The following CACNA1C variants were observed in gnomAD, a reference collection of about 807,000 sequenced individuals.
CACNA1C encodes voltage-dependent L-type calcium channel subunit alpha-1C.
A neutral mutation model predicts 229.0 loss-of-function variants in CACNA1C; 30 were observed. The ratio of observed to expected loss-of-function variants is 0.13; its 90% CI spans 0.10 to 0.18. The LOEUF (loss-of-function observed/expected upper bound fraction) is 0.18. CACNA1C is among the 10% of genes least tolerant of loss of function. The pLI, the probability that CACNA1C is intolerant of heterozygous loss-of-function variation, is 1.00. For synonymous variants in CACNA1C, 1,114 were observed against 1,132.5 expected (o/e 0.98, Z 0.33); for missense variants, 1,658 against 2,845.0 (o/e 0.58, Z 9.49).
intron 10 of CACNA1C, among the ~76,000 whole-genome samples, chr12:2,555,679 G>C (rs368556516): frequency 6.6e-6 from 1 of 152,236 alleles, no homozygotes; most frequent in Non-Finnish European, 1.5e-5. Flanking sequence ...CAGTCTTTGC[G>C]GGTGGGATGA....
At chr12:2,640,805 C>G (rs867250308) in intron 30 of CACNA1C, among the ~76,000 whole-genome samples, 1 of 152,226 alleles carries the variant, frequency 6.6e-6, no homozygotes, top group Admixed American at 6.5e-5. Context: ...ACAAGCAAGC[C>G]GGGCTCCTCT....
At chr12:2,163,305 C>A (rs1290060785) in intron 3 of CACNA1C, among the ~76,000 whole-genome samples, 4 of 151,832 alleles carry the variant, frequency 2.6e-5, no homozygotes, top group Non-Finnish European at 4.4e-5. Flanking sequence ...AGCCTTGTGA[C>A]GTAGGCAGTA....
intron 1 of CACNA1C, among the ~76,000 whole-genome samples, chr12:2,040,693 A>G (rs1278031047): frequency 2.0e-5 from 3 of 152,244 alleles, no homozygotes; most frequent in Non-Finnish European, 4.4e-5. Context: ...GGTTAATGAT[A>G]TTCAGGTTGG....
rs2068966609 is a variant in CACNA1C at position 2,597,553 on chromosome 12, T to G, written c.2853+264T>G. On this transcript the variant is annotated intron_variant, in intron 21 of 46. Coordinates refer to ENST00000399655, the MANE Select transcript of CACNA1C (RefSeq NM_000719.7). This position sits in a 1 kb window ranked among gnomAD's most constrained non-coding sequence, Gnocchi z 4.3. ...GCTTTCTTTGTCTATCTCTGCTCTG[T>G]GTGGCTGGATCTTTTGTCTTTTCTG... 8.9e-7 allele frequency: 1 copy of G among 1,119,004 alleles called. No homozygotes were observed. Among genetic ancestry groups the G allele is most frequent in the Non-Finnish European group, 1.4e-6 (1 of 731,142 alleles). 69.3% of individuals were successfully genotyped at this position (1,119,004 alleles called of 1,614,324 possible). A position where few individuals can be genotyped will look rare whatever the true frequency, so the allele number is the denominator to read the frequency against.
At chr12:2,254,825 G>A (rs2076796660) in intron 3 of CACNA1C, among the ~76,000 whole-genome samples, 1 of 152,138 alleles carries the variant, frequency 6.6e-6, no homozygotes. Context: ...AGAACTACAG[G>A]TTCATTACCA....
intron 4 of CACNA1C, among the ~76,000 whole-genome samples, chr12:2,450,692 G>A (rs2099361453): frequency 1.3e-5 from 2 of 151,490 alleles, no homozygotes; most frequent in African/African-American, 4.9e-5. Context: ...TTGTTACTCT[G>A]AGCCCAGTGA....
chr12:2,279,326 A>G (rs2090168428), intron 3 of CACNA1C, among the ~76,000 whole-genome samples: 1 of 152,184 alleles, frequency 6.6e-6, no homozygotes, highest in Non-Finnish European at 1.5e-5. Context: ...CTATAGCTTT[A>G]TAATAATAAG....
intron 34 of CACNA1C, among the ~76,000 whole-genome samples, chr12:2,662,937 G>GA (rs2095842601): frequency 6.6e-6 from 1 of 152,032 alleles, no homozygotes; most frequent in Non-Finnish European, 1.5e-5. Context: ...TATCTATGCA[G>GA]AAAAAATAAA....
intron 1 of CACNA1C, among the ~76,000 whole-genome samples, chr12:2,008,884 TC>T (rs1170179182): frequency 2.0e-5 from 3 of 152,212 alleles, no homozygotes; most frequent in Admixed American, 6.5e-5. Flanking sequence ...GGCCTAAAGC[TC>T]TGACCTTCTA....
chr12:2,116,660 G>A (rs1256303339), intron 2 of CACNA1C, among the ~76,000 whole-genome samples: 1 of 152,056 alleles, frequency 6.6e-6, no homozygotes, highest in Non-Finnish European at 1.5e-5. Context: ...ATCTGCCACC[G>A]TGCCCAGCCC....
intron 3 of CACNA1C, among the ~76,000 whole-genome samples, chr12:2,178,219 G>T (rs192053401): frequency 6.6e-6 from 1 of 152,326 alleles, no homozygotes; most frequent in East Asian, 1.9e-4. Context: ...TCCGTCCTTG[G>T]TAGCCACCAA....
chr12:2,075,752 A>C (rs2062964155), intron 1 of CACNA1C, among the ~76,000 whole-genome samples: 1 of 152,200 alleles, frequency 6.6e-6, no homozygotes, highest in South Asian at 2.1e-4. Flanking sequence ...CAGATGTAGA[A>C]CAGTGGAGCC....
intron 9 of CACNA1C, among the ~76,000 whole-genome samples, chr12:2,516,587 T>C (rs940795483): frequency 1.2e-4 from 19 of 152,094 alleles, no homozygotes; most frequent in African/African-American, 4.3e-4. Flanking sequence ...TTCAGGATGA[T>C]GTCATTTGCA....
intron 3 of CACNA1C, among the ~76,000 whole-genome samples, chr12:2,263,268 T>C (rs1215637715): frequency 6.6e-6 from 1 of 151,790 alleles, no homozygotes; most frequent in African/African-American, 2.4e-5. Flanking sequence ...GCGGAGGCCC[T>C]CAGGTGGGAG....
intron 1 of CACNA1C, among the ~76,000 whole-genome samples, chr12:2,043,112 C>T (rs149291670): frequency 3.3e-5 from 5 of 152,246 alleles, no homozygotes; most frequent in African/African-American, 7.2e-5. Context: ...ATTACTTCAT[C>T]GCAAGATCAT....
intron 1 of CACNA1C, among the ~76,000 whole-genome samples, chr12:1,976,431 CA>C (rs1408416163): frequency 2.6e-5 from 4 of 152,052 alleles, no homozygotes; most frequent in Non-Finnish European, 5.9e-5. Flanking sequence ...CTAATTCAAC[CA>C]ACCACTCCTC....
At chr12:2,277,239 G>A (rs1024417569) in intron 3 of CACNA1C, among the ~76,000 whole-genome samples, 1 of 152,054 alleles carries the variant, frequency 6.6e-6, no homozygotes, top group Admixed American at 6.6e-5. Context: ...CCATTACTTG[G>A]AAACACTGTC....
chr12:2,284,415 A>G (rs2092271714), intron 3 of CACNA1C, among the ~76,000 whole-genome samples: 1 of 151,670 alleles, frequency 6.6e-6, no homozygotes, highest in Admixed American at 6.6e-5. Flanking sequence ...GGAATGAATG[A>G]GAAGAGCCAC....
rs556800177 is a variant in CACNA1C at position 2,028,816 on chromosome 12, C to T, written c.139+57615C>T. Among the ~76,000 whole-genome samples the T allele has an allele frequency of 6.6e-5, 10 of 152,262 alleles. No homozygotes were observed. The South Asian group carries it at 2.1e-3, about 32-fold the overall frequency. On this transcript the variant is annotated intron_variant, in intron 1 of 46. Coordinates refer to the CACNA1C transcript ENST00000682462. ...AGGCTGTGATGATGATGAAATAAAC[C>T]AGTGCATATACAAATACTGAGAACA... is the stretch of plus-strand genomic sequence containing the variant.
Sources: allele counts gnomAD v4.1 joint callset (sites outside exome capture counted in the v4.1 genomes callset), GRCh38; gene constraint gnomAD v4.1.1; non-coding constraint Gnocchi (gnomAD v3.1); transcripts MANE v1.5; gene names NCBI Gene and HGNC (gene_info 2026-07-23, HGNC 2026-07-21).